ZDHHC14: variants seen among roughly 807,000 people sequenced by gnomAD.
ZDHHC14 encodes palmitoyltransferase ZDHHC14.
A neutral mutation model predicts 47.7 loss-of-function variants in ZDHHC14; 16 were observed. The observed-to-expected ratio is 0.34, with a 90% confidence interval of 0.23 to 0.51. The LOEUF is 0.51. Among genes scored for constraint, ZDHHC14 ranks in the 20% least tolerant of loss-of-function variants. The pLI is 0.97. For missense variants in ZDHHC14, 515 were observed against 662.5 expected (o/e 0.78, Z 2.44); for synonymous variants, 293 against 278.9 (o/e 1.05, Z -0.50).
intron 2 of ZDHHC14, among the ~76,000 whole-genome samples, chr6:157,543,289 A>G (rs1781842605): frequency 6.6e-6 from 1 of 152,204 alleles, no homozygotes; most frequent in African/African-American, 2.4e-5. Context: ...AAAGTTTATT[A>G]CAACCCATTT....
intron 1 of ZDHHC14, among the ~76,000 whole-genome samples, chr6:157,443,606 G>A (rs1032787931): frequency 1.3e-5 from 2 of 152,210 alleles, no homozygotes; most frequent in Non-Finnish European, 2.9e-5. Flanking sequence ...GCCATCACTG[G>A]TGGTGAAACC....
intron 3 of ZDHHC14, among the ~76,000 whole-genome samples, chr6:157,626,223 G>C (rs183887678): frequency 6.6e-6 from 1 of 152,126 alleles, no homozygotes; most frequent in Admixed American, 6.6e-5. Flanking sequence ...CAAACCCACC[G>C]CATGTGGGAT....
intron 1 of ZDHHC14, among the ~76,000 whole-genome samples, chr6:157,394,691 C>T (rs1408022392): frequency 1.3e-5 from 2 of 152,206 alleles, no homozygotes; most frequent in South Asian, 2.1e-4. Flanking sequence ...GTTCCTGCGG[C>T]GCTCTGCCTA....
chr6:157,401,468 T>A (rs1562410940), intron 1 of ZDHHC14, among the ~76,000 whole-genome samples: 1 of 151,468 alleles, frequency 6.6e-6, no homozygotes, highest in Non-Finnish European at 1.5e-5. Context: ...TGGATGACGT[T>A]GTGAGATGCG....
intron 5 of ZDHHC14, among the ~76,000 whole-genome samples, chr6:157,644,979 T>C (rs1562525909): frequency 6.6e-6 from 1 of 152,228 alleles, no homozygotes; most frequent in Admixed American, 6.5e-5. Flanking sequence ...ACACGTCTTG[T>C]GGAACTCTTG....
At chr6:157,638,056 A>C (rs534312866) in intron 5 of ZDHHC14, among the ~76,000 whole-genome samples, 71 of 152,308 alleles carry the variant, frequency 4.7e-4, no homozygotes, top group Non-Finnish European at 6.3e-4. Context: ...ATCTAGTGCC[A>C]GAGTGTGGCC....
chr6:157,483,079 A>C (rs531446090), intron 1 of ZDHHC14, among the ~76,000 whole-genome samples: 1 of 152,184 alleles, frequency 6.6e-6, no homozygotes, highest in Non-Finnish European at 1.5e-5. Context: ...GCAAGATGTG[A>C]TAGCATGCCA....
rs1038787646 is a variant in ZDHHC14, at chr6:157,472,410, C to A, written c.246-70175C>A. ...GAGATAAATGTTTATCCAGCAGGTG[C>A]ACGTGTCTCCAGGACCAAGTGCTGA... is the stretch of plus-strand genomic sequence containing the variant. On this transcript the variant is annotated intron_variant, in intron 1 of 8. Transcript: ENST00000359775. 5.3e-5 allele frequency among the ~76,000 whole-genome samples: 8 copies of A among 152,106 alleles called. No individual in the cohort carries two copies. In the East Asian group the frequency reaches 1.6e-3, roughly 30 times the overall value.
intron 6 of ZDHHC14, among the ~76,000 whole-genome samples, chr6:157,646,556 T>C (rs774926510): frequency 6.9e-6 from 1 of 145,908 alleles, no homozygotes; most frequent in Non-Finnish European, 1.5e-5. Flanking sequence ...GAGGTTGCAG[T>C]GAGCTGAGAT....
chr6:157,606,859 A>G (rs1282026306), intron 3 of ZDHHC14, among the ~76,000 whole-genome samples: 1 of 152,228 alleles, frequency 6.6e-6, no homozygotes, highest in Non-Finnish European at 1.5e-5. Context: ...TAACGTCTAA[A>G]TGAAATTGAA....
intron 1 of ZDHHC14, among the ~76,000 whole-genome samples, chr6:157,472,008 C>T (rs1273333633): frequency 1.3e-5 from 2 of 152,168 alleles, no homozygotes; most frequent in African/African-American, 2.4e-5. Flanking sequence ...AAAGGCAGGG[C>T]GGGTGTCCAC....
At chr6:157,591,740 G>A (rs969218220) in intron 2 of ZDHHC14, among the ~76,000 whole-genome samples, 1 of 152,338 alleles carries the variant, frequency 6.6e-6, no homozygotes, top group Middle Eastern at 3.4e-3. Flanking sequence ...GGTGTGAGGG[G>A]ACTGAGTGGG....
intron 5 of ZDHHC14, among the ~76,000 whole-genome samples, chr6:157,639,318 T>C (rs894931030): frequency 6.6e-6 from 1 of 152,182 alleles, no homozygotes; most frequent in African/African-American, 2.4e-5. Context: ...TTTGTTGTTG[T>C]TGTTGAGATG....
At chr6:157,627,408 T>G (rs896219626) in intron 3 of ZDHHC14, among the ~76,000 whole-genome samples, 3 of 152,226 alleles carry the variant, frequency 2.0e-5, no homozygotes, top group African/African-American at 7.2e-5. Flanking sequence ...ACAGGCAGTC[T>G]TGTATGAGCG....
chr6:157,525,166 T>A (rs905562027), intron 1 of ZDHHC14, among the ~76,000 whole-genome samples: 1 of 151,888 alleles, frequency 6.6e-6, no homozygotes, highest in African/African-American at 2.4e-5. Context: ...TGTTTTTTGT[T>A]TTTTGTTTTT....
chr6:157,605,464 A>G (rs1032794598), intron 3 of ZDHHC14, among the ~76,000 whole-genome samples: 1 of 152,118 alleles, frequency 6.6e-6, no homozygotes, highest in Non-Finnish European at 1.5e-5. Flanking sequence ...GGATTCTTAC[A>G]TTTGGAGGAA....
chr6:157,447,236 A>G (rs1306653127), intron 1 of ZDHHC14, among the ~76,000 whole-genome samples: 1 of 152,264 alleles, frequency 6.6e-6, no homozygotes, highest in East Asian at 1.9e-4. Context: ...AGTGTGGGCC[A>G]GGGAGGCCCC....
intron 1 of ZDHHC14, among the ~76,000 whole-genome samples, chr6:157,441,866 C>T (rs148565938): frequency 6.6e-6 from 1 of 152,146 alleles, no homozygotes; most frequent in African/African-American, 2.4e-5. Flanking sequence ...ATCAATATTC[C>T]TTAGTCCATG....
intron 3 of ZDHHC14, among the ~76,000 whole-genome samples, chr6:157,609,613 A>G (rs560713430): frequency 1.3e-5 from 2 of 152,262 alleles, no homozygotes; most frequent in Non-Finnish European, 2.9e-5. Flanking sequence ...ATCATGTGCC[A>G]CAAGTGGGGA....
Sources: allele counts gnomAD v4.1 joint callset (sites outside exome capture counted in the v4.1 genomes callset), GRCh38; gene constraint gnomAD v4.1.1; transcripts MANE v1.5; gene names NCBI Gene and HGNC (gene_info 2026-07-23, HGNC 2026-07-21).